KCNQ1OT1: variants seen among roughly 807,000 people sequenced by gnomAD.
The protein encoded by KCNQ1OT1 is KCNQ1 opposite strand/antisense transcript 1.
chr11:2,681,966 T>A, exon 1 of KCNQ1OT1: 1 of 398,640 alleles, frequency 2.5e-6, no homozygotes, highest in Non-Finnish European at 4.4e-6. Context: ...ACACTTCCTG[T>A]TTGCCAGGCA....
At chr11:2,615,516 TTAAGTA>T (rs1297896716) in exon 1 of KCNQ1OT1, 1 of 397,884 alleles carries the variant, frequency 2.5e-6, no homozygotes, top group Non-Finnish European at 4.4e-6. Context: ...TTTTTTCTCA[TTAAGTA>T]TATTAGTTGT....
At chr11:2,675,744 A>G in exon 1 of KCNQ1OT1, 1 of 398,706 alleles carries the variant, frequency 2.5e-6, no homozygotes, top group Non-Finnish European at 4.4e-6. Flanking sequence ...ACAGAGTGAC[A>G]TGAACCAGAG....
At chr11:2,637,021 C>A (rs954784797) in exon 1 of KCNQ1OT1, 7 of 152,036 alleles carry the variant, frequency 4.6e-5, no homozygotes, top group East Asian at 3.8e-4. Flanking sequence ...TCTGTGGGAT[C>A]GGTGGTGATA....
rs1590016891 is a variant in KCNQ1OT1 at position 2,664,351 on chromosome 11, C to T, written n.35644G>A. 1 of 398,808 alleles carries T rather than the reference C, an allele frequency of 2.5e-6. No homozygotes were observed. The highest frequency in any genetic ancestry group is 3.6e-5 in the East Asian group (1 of 28,082). 24.7% of individuals were successfully genotyped at this position (398,808 alleles called of 1,614,324 possible). A position where few individuals can be genotyped will look rare whatever the true frequency, so the allele number is the denominator to read the frequency against. Reference sequence around the variant, plus strand: ...CTGAGGCTTCAGGGGAGCTGGGTTCCTGCATCCTCAGAAGTCAGGGTACGG... The same window carrying T: ...CTGAGGCTTCAGGGGAGCTGGGTTCTTGCATCCTCAGAAGTCAGGGTACGG... On this transcript the variant is annotated non_coding_transcript_exon_variant, in exon 1 of 1. Coordinates refer to ENST00000597346, the Ensembl canonical transcript of KCNQ1OT1. This position sits in a 1 kb window ranked among gnomAD's most constrained non-coding sequence, Gnocchi z 5.1.
chr11:2,630,514 G>T (rs1849335922), exon 1 of KCNQ1OT1: 1 of 397,878 alleles, frequency 2.5e-6, no homozygotes, highest in African/African-American at 2.1e-5. Context: ...GATGCCCCAA[G>T]GTACACCTTT....
In KCNQ1OT1 at chr11:2,670,712, G is replaced by A; in HGVS notation, n.29283C>T. Reference sequence around the variant, plus strand: ...AGACAAAGGGATTCTGTGGCCCATGGAGCAGGAGGGAACAGTCTGCAGATA... The same window carrying A: ...AGACAAAGGGATTCTGTGGCCCATGAAGCAGGAGGGAACAGTCTGCAGATA... On this transcript the variant is annotated non_coding_transcript_exon_variant, in exon 1 of 1. Coordinates refer to ENST00000597346, the Ensembl canonical transcript of KCNQ1OT1. This position sits in a 1 kb window ranked among gnomAD's most constrained non-coding sequence, Gnocchi z 4.9. 1.0e-5 allele frequency: 4 copies of A among 398,666 alleles called. No homozygotes were observed. The highest frequency in any genetic ancestry group is 1.8e-5 in the Non-Finnish European group (4 of 226,140). 24.7% of individuals were successfully genotyped at this position (398,666 alleles called of 1,614,324 possible).
In KCNQ1OT1 at chr11:2,657,466, G is replaced by A; in HGVS notation, n.42529C>T. The A allele has an allele frequency of 2.5e-6, 1 of 398,452 alleles. No individual in the cohort carries two copies. The allele number at this position is 398,452 out of a possible 1,614,324, so 24.7% of individuals were successfully genotyped here. On this transcript the variant is annotated non_coding_transcript_exon_variant, in exon 1 of 1. Coordinates refer to ENST00000597346, the Ensembl canonical transcript of KCNQ1OT1. The surrounding 1 kb of genome is among the most constrained non-coding windows in gnomAD (Gnocchi z 4.8). ...TATTCTTTTGTGCTATTGTATACAG[G>A]TTCTGTTTTCTCTTGTTACCTCACA...
exon 1 of KCNQ1OT1, chr11:2,666,721 C>T (rs1308926958): frequency 1.3e-5 from 5 of 398,662 alleles, no homozygotes; most frequent in South Asian, 1.3e-4. Context: ...CTGTGACCTA[C>T]TCCCACAGAC....
At position 2,659,888 on chromosome 11, in the gene KCNQ1OT1, T is replaced by C. The variant is rs12574151; in HGVS notation, n.40107A>G. On this transcript the variant is annotated non_coding_transcript_exon_variant, in exon 1 of 1. Transcript: ENST00000597346. The surrounding 1 kb of genome is among the most constrained non-coding windows in gnomAD (Gnocchi z 4.3). ...TTTATAATCCATTTTTAAAATTGGA[T>C]TGTTCACTTTATTGTCAAGTTGTAA... 1 of 398,356 alleles carries C rather than the reference T, an allele frequency of 2.5e-6. No homozygotes were observed. The highest frequency in any genetic ancestry group is 4.4e-6 in the Non-Finnish European group (1 of 226,008). The allele number at this position is 398,356 out of a possible 1,614,324, so 24.7% of individuals were successfully genotyped here. A position where few individuals can be genotyped will look rare whatever the true frequency, so the allele number is the denominator to read the frequency against.
Position 2,613,634 on chromosome 11 carries a change from G to C in KCNQ1OT1, n.86361C>G. On this transcript the variant is annotated non_coding_transcript_exon_variant, in exon 1 of 1. Transcript: ENST00000597346. This position sits in a 1 kb window ranked among gnomAD's most constrained non-coding sequence, Gnocchi z 4.8. ...GTCCAGTTTTATCATTGCTTTTCAG[G>C]GAGTGGTTATATCAAGGTGCTCATT... 1 of 398,306 alleles carries C rather than the reference G, an allele frequency of 2.5e-6. No homozygotes were observed. The allele number at this position is 398,306 out of a possible 1,614,324, so 24.7% of individuals were successfully genotyped here.
At chr11:2,622,321 C>T (rs1476685363) in exon 1 of KCNQ1OT1, 6 of 398,146 alleles carry the variant, frequency 1.5e-5, no homozygotes, top group Non-Finnish European at 4.4e-6. Context: ...TCTCCTATAA[C>T]AATTTTTAAA....
At chr11:2,615,768 T>C in exon 1 of KCNQ1OT1, 1 of 398,146 alleles carries the variant, frequency 2.5e-6, no homozygotes, top group East Asian at 3.6e-5. Flanking sequence ...TTTAATATGC[T>C]GCTGAATTTG....
At position 2,651,054 on chromosome 11, in the gene KCNQ1OT1, T is replaced by G; in HGVS notation, n.48941A>C. 2.5e-6 allele frequency: 1 copy of G among 398,904 alleles called. No individual in the cohort carries two copies. The highest frequency in any genetic ancestry group is 4.4e-6 in the Non-Finnish European group (1 of 226,242). The allele number at this position is 398,904 out of a possible 1,614,324, so 24.7% of individuals were successfully genotyped here. ...TTAAAACCACCACCATTTCTCTGCC[T>G]ACATTGTTGTCCATACCTCATTACT... On this transcript the variant is annotated non_coding_transcript_exon_variant, in exon 1 of 1. Coordinates refer to ENST00000597346, the Ensembl canonical transcript of KCNQ1OT1. The surrounding 1 kb of genome is among the most constrained non-coding windows in gnomAD (Gnocchi z 6.1).
At position 2,642,023 on chromosome 11, in the gene KCNQ1OT1, C is replaced by T. The variant is rs992474821; in HGVS notation, n.57972G>A. 2.5e-6 allele frequency: 1 copy of T among 398,166 alleles called. No individual in the cohort carries two copies. The highest frequency in any genetic ancestry group is 4.4e-6 in the Non-Finnish European group (1 of 225,894). 24.7% of individuals were successfully genotyped at this position (398,166 alleles called of 1,614,324 possible). ...TTCCAATACCATGCTGCTTTTAATG[C>T]TATAGCCTTATATTTTTAAATCAGG... is the stretch of plus-strand genomic sequence containing the variant. On this transcript the variant is annotated non_coding_transcript_exon_variant, in exon 1 of 1. Coordinates refer to ENST00000597346, the Ensembl canonical transcript of KCNQ1OT1. This position sits in a 1 kb window ranked among gnomAD's most constrained non-coding sequence, Gnocchi z 4.3.
chr11:2,665,105 T>A (rs935890747), exon 1 of KCNQ1OT1: 2 of 398,304 alleles, frequency 5.0e-6, no homozygotes, highest in African/African-American at 2.1e-5. Context: ...AAGAGTGGCG[T>A]CGCTGCACCC....
exon 1 of KCNQ1OT1, chr11:2,643,441 A>T: frequency 2.5e-6 from 1 of 397,734 alleles, no homozygotes; most frequent in African/African-American, 2.1e-5. Context: ...TTTTAGCTTA[A>T]CCTTTGTTTT....
chr11:2,642,401 G>T lies in KCNQ1OT1; in HGVS notation n.57594C>A, dbSNP rs959790375. 3 of 397,828 alleles carry T rather than the reference G, an allele frequency of 7.5e-6. No homozygotes were observed. The highest frequency in any genetic ancestry group is 1.3e-5 in the Non-Finnish European group (3 of 225,754). The allele number at this position is 397,828 out of a possible 1,614,324, so 24.6% of individuals were successfully genotyped here. ...TAATGCCTTCTTGATTTCTTTCTCA[G>T]CTGGTTCTTTATTGGTATATAGAAA... is the stretch of plus-strand genomic sequence containing the variant. On this transcript the variant is annotated non_coding_transcript_exon_variant, in exon 1 of 1. Transcript: ENST00000597346. The surrounding 1 kb of genome is among the most constrained non-coding windows in gnomAD (Gnocchi z 4.3).
At chr11:2,625,325 A>G (rs1318757849) in exon 1 of KCNQ1OT1, 3 of 398,658 alleles carry the variant, frequency 7.5e-6, no homozygotes, top group Non-Finnish European at 1.3e-5. Flanking sequence ...ATCATGGCAC[A>G]CTGCAGCCTC....
In KCNQ1OT1 at chr11:2,673,642, C is replaced by A. The variant is rs1012166852; in HGVS notation, n.26353G>T. 1 of 398,760 alleles carries A rather than the reference C, an allele frequency of 2.5e-6. No homozygotes were observed. 24.7% of individuals were successfully genotyped at this position (398,760 alleles called of 1,614,324 possible). On this transcript the variant is annotated non_coding_transcript_exon_variant, in exon 1 of 1. Transcript: ENST00000597346. This position sits in a 1 kb window ranked among gnomAD's most constrained non-coding sequence, Gnocchi z 4.5. ...CCACCTTGCTACTGCTGATGACCAC[C>A]CTGACTCATGTCCCTTGTCTGCATA...
Sources: allele counts gnomAD v4.1 joint callset, GRCh38; gene constraint gnomAD v4.1.1; non-coding constraint Gnocchi (gnomAD v3.1); transcripts MANE v1.5; gene names NCBI Gene and HGNC (gene_info 2026-07-23, HGNC 2026-07-21).